TMTC1: variants seen among roughly 807,000 people sequenced by gnomAD.
TMTC1 encodes transmembrane O-mannosyltransferase targeting cadherins 1, also known as protein O-mannosyl-transferase TMTC1.
A neutral mutation model predicts 104.8 loss-of-function variants in TMTC1; 73 were observed. The observed-to-expected ratio is 0.70, with a 90% CI of 0.58 to 0.85. TMTC1 has a LOEUF of 0.85. Among genes scored for constraint, TMTC1 ranks in the 40% least tolerant of loss-of-function variants. The pLI, the probability that TMTC1 is intolerant of heterozygous loss-of-function variation, is 0.00. For synonymous variants in TMTC1, 434 were observed against 428.7 expected, an observed-to-expected ratio of 1.01 and a Z score of -0.15; for missense variants, 1,035 against 1,096.1, an observed-to-expected ratio of 0.94 and a Z score of 0.79.
At chr12:29,602,231 C>T (rs1194861687) in intron 7 of TMTC1, among the ~76,000 whole-genome samples, 2 of 152,192 alleles carry the variant, frequency 1.3e-5, no homozygotes, top group African/African-American at 4.8e-5. Context: ...CATCCTCAAC[C>T]TTCCGGGCTC....
chr12:29,783,456 G>T lies in TMTC1; in HGVS notation c.296C>A (p.Thr99Asn). The T allele has an allele frequency of 7.5e-7, 1 of 1,326,804 alleles. No individual in the cohort carries two copies. The highest frequency in any genetic ancestry group is 9.7e-7 in the Non-Finnish European group (1 of 1,032,866). The allele number at this position is 1,326,804 out of a possible 1,614,324, so 82.2% of individuals were successfully genotyped here. The change falls in exon 1 of 18, where the codon ACC becomes AAC. Residue 99 changes from threonine (T) to asparagine (N), a missense_variant. Physicochemically the swap from Thr to Asn is moderately conservative, Grantham distance 65. Transcript: ENST00000539277. The surrounding 1 kb of genome is among the most constrained non-coding windows in gnomAD (Gnocchi z 4.7). The stretch of plus-strand genomic sequence containing the variant: ...CGCGAGGTGAGGGACTCACTTGAAG[G>T]TGAGGACGCAGAGCGGCCGGTAGGA... Reference protein sequence around the residue: ...HKSYRPLCVLTFKLNIFLTGM... With the variant: ...HKSYRPLCVLNFKLNIFLTGM...
At chr12:29,695,801 A>ATATATATATATATATATATC (rs1941403992) in intron 5 of TMTC1, among the ~76,000 whole-genome samples, 1 of 49,464 alleles carries the variant, frequency 2.0e-5, no homozygotes, top group African/African-American at 2.8e-4. Context: ...TTTTATATAT[A>ATATATATATATATATATATC]TATATATATA....
intron 11 of TMTC1, among the ~76,000 whole-genome samples, chr12:29,530,357 C>T (rs1944467599): frequency 6.6e-6 from 1 of 152,164 alleles, no homozygotes; most frequent in Non-Finnish European, 1.5e-5. Context: ...CAACCAACCA[C>T]CTCATTCTGC....
chr12:29,674,122 C>T (rs1285883312), intron 5 of TMTC1, among the ~76,000 whole-genome samples: 1 of 152,102 alleles, frequency 6.6e-6, no homozygotes, highest in Non-Finnish European at 1.5e-5. Flanking sequence ...CTCTTGACAA[C>T]ACAGAGGCAG....
At chr12:29,700,224 T>G (rs1941546460) in intron 5 of TMTC1, among the ~76,000 whole-genome samples, 2 of 150,932 alleles carry the variant, frequency 1.3e-5, no homozygotes, top group Admixed American at 1.3e-4. Flanking sequence ...AATTTTTGTT[T>G]TTCTTTTTTT....
chr12:29,601,928 C>T (rs1294949960), intron 7 of TMTC1, among the ~76,000 whole-genome samples: 15 of 151,036 alleles, frequency 9.9e-5, no homozygotes, highest in Admixed American at 4.6e-4. Context: ...TTCCGCCTCC[C>T]GGGTTCACAC....
At chr12:29,768,140 C>CAA in intron 1 of TMTC1, 65 bp from the exon 2 acceptor site, 1 of 1,191,264 alleles carries the variant, frequency 8.4e-7, no homozygotes, top group South Asian at 1.6e-5. Context: ...ACACAAGGAA[C>CAA]ACAGACGGAA....
At chr12:29,590,596 T>C (rs979135279) in intron 7 of TMTC1, among the ~76,000 whole-genome samples, 16 of 152,056 alleles carry the variant, frequency 1.1e-4, no homozygotes, top group Non-Finnish European at 2.1e-4. Flanking sequence ...ACCAGCCTGA[T>C]CAACATGGTG....
chr12:29,597,870 C>T (rs1327564313), intron 7 of TMTC1, among the ~76,000 whole-genome samples: 1 of 152,164 alleles, frequency 6.6e-6, no homozygotes, highest in Admixed American at 6.5e-5. Context: ...CTGCTCTTAT[C>T]ATCATGACAA....
chr12:29,619,358 C>T (rs1392880868), intron 6 of TMTC1, among the ~76,000 whole-genome samples: 1 of 152,176 alleles, frequency 6.6e-6, no homozygotes. Context: ...TGGTATATTC[C>T]ACATGACACG....
At chr12:29,525,935 C>T (rs1944330989) in intron 11 of TMTC1, among the ~76,000 whole-genome samples, 1 of 152,192 alleles carries the variant, frequency 6.6e-6, no homozygotes, top group Non-Finnish European at 1.5e-5. Flanking sequence ...ATGAGGGAAA[C>T]ACACTTTCTA....
chr12:29,622,142 G>C (rs17731994), intron 6 of TMTC1, among the ~76,000 whole-genome samples: 1,977 of 152,278 alleles, frequency 0.013, 27 homozygotes, highest in Non-Finnish European at 0.021. Context: ...GACATCTCAT[G>C]ACTGAGGCTA....
At chr12:29,569,110 A>G (rs1395428826) in intron 9 of TMTC1, 1 of 405,676 alleles carries the variant, frequency 2.5e-6, no homozygotes, top group Non-Finnish European at 5.0e-6. Flanking sequence ...TAAACTGAAT[A>G]CGTGACCTTA....
At position 29,628,353 on chromosome 12, in the gene TMTC1, C is replaced by A. The variant is rs552059012; in HGVS notation, c.1128+4794G>T. Among the ~76,000 whole-genome samples the A allele has an allele frequency of 2.6e-4, 39 of 152,152 alleles. No homozygotes were observed. In the South Asian group the frequency reaches 8.1e-3, roughly 32 times the overall value. On this transcript the variant is annotated intron_variant, in intron 6 of 17. Coordinates refer to ENST00000539277, the MANE Select transcript of TMTC1 (RefSeq NM_001193451.2). ...AGAATATGGTGTTAAGTGAAAGAAG[C>A]CAGACATACAAGATTACATGTTTTA... is the stretch of plus-strand genomic sequence containing the variant.
At chr12:29,517,678 A>C (rs911087922) in intron 13 of TMTC1, 107 bp from the exon 14 acceptor site, 41 of 1,286,634 alleles carry the variant, frequency 3.2e-5, no homozygotes, top group Non-Finnish European at 4.3e-5. Context: ...CCTCTGCTCC[A>C]ATACGGTCTT....
chr12:29,701,717 G>C (rs1298552761), intron 5 of TMTC1, among the ~76,000 whole-genome samples: 1 of 152,194 alleles, frequency 6.6e-6, no homozygotes, highest in Non-Finnish European at 1.5e-5. Flanking sequence ...GTAGCTACAG[G>C]CTACAGCAAT....
At chr12:29,779,409 T>C (rs1035140799) in intron 1 of TMTC1, among the ~76,000 whole-genome samples, 6 of 152,232 alleles carry the variant, frequency 3.9e-5, no homozygotes, top group Non-Finnish European at 7.3e-5. Flanking sequence ...TGCTTTCATA[T>C]TCCACTGTCC....
At chr12:29,691,766 G>A (rs1941275613) in intron 5 of TMTC1, among the ~76,000 whole-genome samples, 1 of 142,996 alleles carries the variant, frequency 7.0e-6, no homozygotes, top group South Asian at 2.2e-4. Flanking sequence ...TGTACTGGAG[G>A]TCTGAGAGAG....
intron 9 of TMTC1, among the ~76,000 whole-genome samples, chr12:29,571,512 T>C (rs1475479673): frequency 1.3e-5 from 2 of 152,034 alleles, no homozygotes; most frequent in Non-Finnish European, 2.9e-5. Context: ...CTTGAAGCCA[T>C]ATCTAAGGAT....
Sources: allele counts gnomAD v4.1 joint callset (sites outside exome capture counted in the v4.1 genomes callset), GRCh38; gene constraint gnomAD v4.1.1; non-coding constraint Gnocchi (gnomAD v3.1); transcripts MANE v1.5; gene names NCBI Gene and HGNC (gene_info 2026-07-23, HGNC 2026-07-21).